Variants in DPRX observed in about 807,000 individuals in gnomAD.
The protein encoded by DPRX is divergent paired-related homeobox.
Under a neutral mutation model 8.4 loss-of-function variants are expected in DPRX, and 11 were observed. The observed-to-expected ratio is 1.31, with a 90% CI of 0.82 to 2.17. The LOEUF is 2.17. Ranked by LOEUF, DPRX falls within the 30% of genes most tolerant of loss-of-function variation. DPRX has a pLI of 0.00. For missense variants in DPRX, 211 were observed against 236.7 expected (o/e 0.89, Z 0.71); for synonymous variants, 72 against 87.0 (o/e 0.83, Z 0.96).
At chr19:53,602,764 A>G in the DPRX span, among the ~76,000 whole-genome samples, 146 of 147,910 alleles carry the variant, frequency 9.9e-4, no homozygotes, top group South Asian at 2.4e-3. Context: ...CGAACTCCTG[A>G]CCTTGTGATC....
At chr19:53,620,130 C>T in the DPRX span, among the ~76,000 whole-genome samples, 98 of 151,926 alleles carry the variant, frequency 6.5e-4, no homozygotes, top group East Asian at 0.011. Flanking sequence ...AGTGCTATAG[C>T]GTGATCTCGC....
the DPRX span, among the ~76,000 whole-genome samples, chr19:53,615,856 A>G: frequency 6.6e-6 from 1 of 151,856 alleles, no homozygotes; most frequent in Non-Finnish European, 1.5e-5. Flanking sequence ...CAATCCTAGC[A>G]CTTTGGGAGG....
At chr19:53,626,977 A>T in the DPRX span, among the ~76,000 whole-genome samples, 1 of 151,840 alleles carries the variant, frequency 6.6e-6, no homozygotes, top group African/African-American at 2.4e-5. Flanking sequence ...GCTGGGGTTG[A>T]CTGCTCGTGG....
At chr19:53,631,369 G>A (rs2091091968), upstream of DPRX, among the ~76,000 whole-genome samples, 1 of 152,074 alleles carries the variant, frequency 6.6e-6, no homozygotes, top group Admixed American at 6.6e-5. Flanking sequence ...ACAATGCCAA[G>A]CATATATTAG....
the DPRX span, among the ~76,000 whole-genome samples, chr19:53,617,912 G>A: frequency 9.8e-4 from 149 of 151,948 alleles, no homozygotes; most frequent in Middle Eastern, 3.4e-3. Context: ...GGCCAAGGTG[G>A]GCAGATCACG....
At chr19:53,617,573 A>AAG in the DPRX span, among the ~76,000 whole-genome samples, 1 of 139,704 alleles carries the variant, frequency 7.2e-6, no homozygotes, top group African/African-American at 2.5e-5. Context: ...AAAAAAAAAA[A>AAG]AAGAAAAAAA....
chr19:53,622,704 C>A, the DPRX span, among the ~76,000 whole-genome samples: 1 of 152,132 alleles, frequency 6.6e-6, no homozygotes, highest in East Asian at 1.9e-4. Flanking sequence ...GAAGAGCCCA[C>A]AGTCACCAGG....
At chr19:53,616,656 A>T in the DPRX span, 1 of 629,038 alleles carries the variant, frequency 1.6e-6, no homozygotes, top group Non-Finnish European at 2.6e-6. Flanking sequence ...TGGGAAACTG[A>T]GGCGGGAGAA....
the DPRX span, among the ~76,000 whole-genome samples, chr19:53,610,656 A>G: frequency 0.17 from 25,697 of 152,108 alleles, 2,266 homozygotes; most frequent in South Asian, 0.28. Context: ...AGCGGCCCAT[A>G]GGCTGCCTGC....
the DPRX span, among the ~76,000 whole-genome samples, chr19:53,618,421 T>G: frequency 0.15 from 23,264 of 151,326 alleles, 1,874 homozygotes; most frequent in African/African-American, 0.19. Flanking sequence ...AACAATAACA[T>G]GTATGAAAGG....
the DPRX span, among the ~76,000 whole-genome samples, chr19:53,620,354 C>A: frequency 2.6e-5 from 4 of 151,836 alleles, no homozygotes; most frequent in Admixed American, 6.6e-5. Flanking sequence ...CAGGTGTGAG[C>A]CACCGTACCC....
chr19:53,635,761 G>T (rs1438282783), intron 2 of DPRX, among the ~76,000 whole-genome samples: 1 of 152,094 alleles, frequency 6.6e-6, no homozygotes, highest in Non-Finnish European at 1.5e-5. Flanking sequence ...TATTGTGTTT[G>T]TTTTTTCTCA....
the DPRX span, among the ~76,000 whole-genome samples, chr19:53,615,481 A>G: frequency 2.0e-5 from 3 of 151,522 alleles, no homozygotes; most frequent in Non-Finnish European, 4.4e-5. Context: ...GGGTTTTGCC[A>G]TGTTGGCCAG....
the DPRX span, chr19:53,608,311 G>A: frequency 1.7e-4 from 17 of 101,884 alleles, no homozygotes; most frequent in African/African-American, 6.4e-4. Context: ...ATTTGTAGTC[G>A]GCGTCTGTGA....
upstream of DPRX, among the ~76,000 whole-genome samples, chr19:53,627,311 T>G (rs2091075032): frequency 6.6e-6 from 1 of 152,110 alleles, no homozygotes; most frequent in Non-Finnish European, 1.5e-5. Flanking sequence ...GAGGTGTGCT[T>G]TTTCAGACTC....
At chr19:53,607,039 G>GC in the DPRX span, 1 of 154,204 alleles carries the variant, frequency 6.5e-6, no homozygotes, top group Admixed American at 6.5e-5. Flanking sequence ...ACCCTCCAGA[G>GC]CCCAGGGAGC....
the DPRX span, chr19:53,602,161 C>A: frequency 2.2e-6 from 1 of 456,108 alleles, no homozygotes; most frequent in East Asian, 7.0e-5. Flanking sequence ...GACAGCAGGA[C>A]AACTGGAAAA....
At chr19:53,632,016 G>A, upstream of DPRX, 3 of 1,574,096 alleles carry the variant, frequency 1.9e-6, 1 homozygote, top group South Asian at 3.3e-5. Flanking sequence ...GGAGTCGGGT[G>A]TGGCTGTGGA....
the DPRX span, among the ~76,000 whole-genome samples, chr19:53,605,691 G>T: frequency 6.6e-6 from 1 of 151,778 alleles, no homozygotes. Flanking sequence ...TTGAGACAGG[G>T]TCTTGCTTTG....
Sources: gnomAD v4.1 joint callset for allele counts (sites outside exome capture counted in the v4.1 genomes callset) on GRCh38, gnomAD v4.1.1 for gene constraint, MANE v1.5 for transcripts, NCBI Gene and HGNC (gene_info 2026-07-23, HGNC 2026-07-21) for gene names.